Variants in TRAPPC3L observed in about 807,000 individuals in gnomAD.
TRAPPC3L encodes trafficking protein particle complex subunit 3L, also known as trafficking protein particle complex subunit 3-like protein.
A neutral mutation model predicts 23.7 loss-of-function variants in TRAPPC3L; 23 were observed. The ratio of observed to expected loss-of-function variants is 0.97; its 90% CI spans 0.70 to 1.37. TRAPPC3L has a LOEUF of 1.37. Ranked by LOEUF, TRAPPC3L falls within the 40% of genes most tolerant of loss-of-function variation. The pLI is 0.00. For missense variants in TRAPPC3L, 212 were observed against 216.8 expected (o/e 0.98, Z 0.14); for synonymous variants, 81 against 77.9 (o/e 1.04, Z -0.21).
chr6:116,528,871 G>C (rs1772531470), intron 3 of TRAPPC3L: 1 of 152,244 alleles, frequency 6.6e-6, no homozygotes, highest in Non-Finnish European at 1.5e-5. Context: ...ATTAGGTTTT[G>C]AGTTAGCCTT....
chr6:116,515,574 G>A (rs1772205938), intron 3 of TRAPPC3L: 1 of 1,583,922 alleles, frequency 6.3e-7, no homozygotes, highest in African/African-American at 1.4e-5. Flanking sequence ...TTTCACGTGT[G>A]TACTCAATAT....
At chr6:116,500,780 C>T in intron 3 of TRAPPC3L, 114 bp from the exon 4 acceptor site, 7 of 894,888 alleles carry the variant, frequency 7.8e-6, no homozygotes, top group Non-Finnish European at 1.2e-5. Flanking sequence ...CACATGGAGT[C>T]TATAGTCAGG....
intron 3 of TRAPPC3L, among the ~76,000 whole-genome samples, chr6:116,534,431 T>C (rs577033942): frequency 6.6e-6 from 1 of 152,008 alleles, no homozygotes; most frequent in South Asian, 2.1e-4. Flanking sequence ...GTCATAGCAG[T>C]CTTGTGCATT....
At chr6:116,508,311 T>TA (rs1772042130) in intron 3 of TRAPPC3L, among the ~76,000 whole-genome samples, 1 of 152,134 alleles carries the variant, frequency 6.6e-6, no homozygotes. Context: ...TAGACAAGAC[T>TA]AGGGGTCTGG....
intron 2 of TRAPPC3L, among the ~76,000 whole-genome samples, chr6:116,541,834 C>G (rs1773482578): frequency 1.3e-5 from 2 of 152,120 alleles, no homozygotes; most frequent in Admixed American, 6.6e-5. Flanking sequence ...ACACATATTG[C>G]TTTGGTCAAA....
intron 3 of TRAPPC3L, among the ~76,000 whole-genome samples, chr6:116,540,032 CGT>C (rs2115233992): frequency 6.6e-6 from 1 of 152,248 alleles, no homozygotes; most frequent in East Asian, 1.9e-4. Context: ...TGAAAATTAT[CGT>C]AAAGAAACTG....
chr6:116,535,818 G>A (rs1213236064), intron 3 of TRAPPC3L, among the ~76,000 whole-genome samples: 1 of 152,150 alleles, frequency 6.6e-6, no homozygotes, highest in East Asian at 1.9e-4. Context: ...CAATTAGTTT[G>A]TGGAAAAAAC....
chr6:116,523,325 A>C (rs578244514), intron 3 of TRAPPC3L: 51 of 152,270 alleles, frequency 3.3e-4, no homozygotes, highest in Non-Finnish European at 6.8e-4. Flanking sequence ...TAAGTTTTAC[A>C]TGTTTCTTGT....
intron 3 of TRAPPC3L, chr6:116,515,965 T>G: frequency 6.2e-7 from 1 of 1,605,874 alleles, no homozygotes; most frequent in East Asian, 2.2e-5. Flanking sequence ...CAATGGTCCT[T>G]GTGGGTACTG....
intron 3 of TRAPPC3L, among the ~76,000 whole-genome samples, chr6:116,539,211 TA>T (rs1478814115): frequency 6.6e-6 from 1 of 152,196 alleles, no homozygotes; most frequent in Admixed American, 6.5e-5. Flanking sequence ...TTAGTTTCAT[TA>T]AAAAATGTTT....
intron 1 of TRAPPC3L, chr6:116,543,945 C>T: frequency 8.4e-7 from 1 of 1,193,116 alleles, no homozygotes. Context: ...CAAAATATGT[C>T]CCATTTTTAG....
intron 3 of TRAPPC3L, among the ~76,000 whole-genome samples, chr6:116,535,171 G>C (rs566280211): frequency 6.6e-6 from 1 of 152,232 alleles, no homozygotes; most frequent in Non-Finnish European, 1.5e-5. Context: ...TCAATGTGCA[G>C]ATGATAGCTA....
intron 3 of TRAPPC3L, among the ~76,000 whole-genome samples, chr6:116,514,137 C>T (rs752982986): frequency 1.1e-4 from 17 of 151,938 alleles, no homozygotes; most frequent in Non-Finnish European, 2.1e-4. Flanking sequence ...ATCCACCAAG[C>T]TCTAGTTTGA....
chr6:116,501,451 A>G (rs1771914185), intron 3 of TRAPPC3L, among the ~76,000 whole-genome samples: 2 of 152,250 alleles, frequency 1.3e-5, no homozygotes, highest in Admixed American at 1.3e-4. Context: ...ATCTGAACAA[A>G]AGTCAGCAGA....
At chr6:116,501,238 C>T (rs1295857567) in intron 3 of TRAPPC3L, among the ~76,000 whole-genome samples, 1 of 152,224 alleles carries the variant, frequency 6.6e-6, no homozygotes, top group African/African-American at 2.4e-5. Flanking sequence ...GAGCCTTGCT[C>T]ACTGCTAGCA....
chr6:116,513,064 T>C (rs1352580137), intron 3 of TRAPPC3L, among the ~76,000 whole-genome samples: 1 of 152,118 alleles, frequency 6.6e-6, no homozygotes, highest in African/African-American at 2.4e-5. Flanking sequence ...CATTTATAGG[T>C]AGTAAGAATT....
At chr6:116,503,570 C>T (rs1771955159) in intron 3 of TRAPPC3L, among the ~76,000 whole-genome samples, 1 of 152,178 alleles carries the variant, frequency 6.6e-6, no homozygotes, top group African/African-American at 2.4e-5. Context: ...AACAGAAATA[C>T]ATTCTTCTCA....
At chr6:116,511,544 A>C (rs1772118251) in intron 3 of TRAPPC3L, 1 of 688,702 alleles carries the variant, frequency 1.5e-6, no homozygotes, top group Admixed American at 2.8e-5. Context: ...AGAAATATTC[A>C]TTCCTAAGGA....
chr6:116,508,261 A>T (rs558641099), intron 3 of TRAPPC3L, among the ~76,000 whole-genome samples: 100 of 152,316 alleles, frequency 6.6e-4, no homozygotes, highest in African/African-American at 2.4e-3. Flanking sequence ...TTGCAAGACA[A>T]ATTATAGAAT....
Sources: gnomAD v4.1 joint callset for allele counts (sites outside exome capture counted in the v4.1 genomes callset) on GRCh38, gnomAD v4.1.1 for gene constraint, MANE v1.5 for transcripts, NCBI Gene and HGNC (gene_info 2026-07-23, HGNC 2026-07-21) for gene names.